The following INPP4A variants were observed in gnomAD, a reference collection of about 807,000 sequenced individuals.
The protein encoded by INPP4A is inositol polyphosphate-4-phosphatase type I A.
INPP4A carries 33 observed loss-of-function variants against 119.8 expected under a neutral mutation model. The observed-to-expected ratio is 0.28, with a 90% CI of 0.21 to 0.37. INPP4A has a LOEUF of 0.37. Among genes scored for constraint, INPP4A ranks in the 10% least tolerant of loss-of-function variants. INPP4A has a pLI of 1.00. For missense variants in INPP4A, 956 were observed against 1,289.9 expected (o/e 0.74, Z 3.97); for synonymous variants, 496 against 500.7 (o/e 0.99, Z 0.12).
chr2:98,471,664 T>A (rs1388259181), intron 1 of INPP4A, among the ~76,000 whole-genome samples: 1 of 152,178 alleles, frequency 6.6e-6, no homozygotes, highest in African/African-American at 2.4e-5. Flanking sequence ...TTAGACTGGC[T>A]GTCTGTAAGC....
intron 1 of INPP4A, among the ~76,000 whole-genome samples, chr2:98,479,746 GT>G (rs1678023294): frequency 6.6e-6 from 1 of 152,196 alleles, no homozygotes; most frequent in African/African-American, 2.4e-5. Context: ...ATTTCTTCCT[GT>G]CCTTGAAGAA....
chr2:98,493,553 G>A (rs1293941108), intron 1 of INPP4A, among the ~76,000 whole-genome samples: 1 of 150,446 alleles, frequency 6.6e-6, no homozygotes, highest in Admixed American at 6.7e-5. Flanking sequence ...GCACCTCCAC[G>A]CCTGGCTAAT....
intron 1 of INPP4A, among the ~76,000 whole-genome samples, chr2:98,480,994 C>T (rs1356606707): frequency 6.6e-6 from 1 of 152,178 alleles, no homozygotes; most frequent in African/African-American, 2.4e-5. Context: ...TGTGCATTAC[C>T]AGTGTGCAGT....
At position 98,572,137 on chromosome 2, in the gene INPP4A, C is replaced by T. The variant is rs191448486; in HGVS notation, c.2519-678C>T. 7 of 152,448 alleles carry T rather than the reference C, an allele frequency of 4.6e-5. No homozygotes were observed. In the East Asian group the frequency reaches 1.3e-3, roughly 29 times the overall value. 9.4% of individuals were successfully genotyped at this position (152,448 alleles called of 1,614,324 possible). A position where few individuals can be genotyped will look rare whatever the true frequency, so the allele number is the denominator to read the frequency against. On this transcript the variant is annotated intron_variant, in intron 22 of 24. Transcript: ENST00000409851. ...GACCTTGAGGCTCTTCTCTTTGTCTCTGATAATCCCAGTGTTTGAAAATCC... is the reference window on the plus strand; with the variant it reads ...GACCTTGAGGCTCTTCTCTTTGTCTTTGATAATCCCAGTGTTTGAAAATCC...
chr2:98,484,284 A>T (rs1257254848), intron 1 of INPP4A, among the ~76,000 whole-genome samples: 1 of 151,962 alleles, frequency 6.6e-6, no homozygotes, highest in Non-Finnish European at 1.5e-5. Flanking sequence ...CACTCCCCCT[A>T]GTTGCCCACA....
At chr2:98,446,236 A>T (rs1352518487) in intron 1 of INPP4A, among the ~76,000 whole-genome samples, 2 of 152,240 alleles carry the variant, frequency 1.3e-5, no homozygotes, top group South Asian at 4.1e-4. Flanking sequence ...TGCTTGCTAT[A>T]GGTTGTCCTA....
rs1327152298 is a variant in INPP4A, at chr2:98,511,064, AT to A, written c.-165-7887del. ...TACTTCTCTTCCTGTGCTTGATTCAATTTTTTTTTTTTTGAGATGGAGTCTC... is the reference window on the plus strand; with the variant it reads ...TACTTCTCTTCCTGTGCTTGATTCAATTTTTTTTTTTTGAGATGGAGTCTC... On this transcript the variant is annotated intron_variant, in intron 1 of 24. Coordinates refer to ENST00000409851, the MANE Select transcript of INPP4A (RefSeq NM_001134225.2). Among the ~76,000 whole-genome samples, 433 of 146,574 alleles carry A rather than the reference AT, an allele frequency of 3.0e-3. 2 individuals carry two copies. The highest frequency in any genetic ancestry group is 9.2e-3 in the African/African-American group (368 of 40,112).
chr2:98,459,906 A>G (rs899085371), intron 1 of INPP4A, among the ~76,000 whole-genome samples: 1 of 152,246 alleles, frequency 6.6e-6, no homozygotes, highest in Non-Finnish European at 1.5e-5. Context: ...ACCAGAATCC[A>G]CTGCACAGCT....
chr2:98,550,364 TC>T (rs1399588863), intron 13 of INPP4A, among the ~76,000 whole-genome samples: 1 of 152,070 alleles, frequency 6.6e-6, no homozygotes, highest in African/African-American at 2.4e-5. Context: ...AGAACCCAGC[TC>T]CATGGGGGCT....
chr2:98,470,901 G>C (rs1675879250), intron 1 of INPP4A, among the ~76,000 whole-genome samples: 1 of 152,020 alleles, frequency 6.6e-6, no homozygotes, highest in South Asian at 2.1e-4. Context: ...CTCCTGACCT[G>C]GTGATCCACC....
chr2:98,491,477 G>T (rs193117418), intron 1 of INPP4A, among the ~76,000 whole-genome samples: 164 of 152,332 alleles, frequency 1.1e-3, no homozygotes, highest in African/African-American at 3.6e-3. Flanking sequence ...GGAAGAAGCC[G>T]CACGTTTCCC....
intron 1 of INPP4A, among the ~76,000 whole-genome samples, chr2:98,487,116 C>G (rs1302926974): frequency 6.6e-6 from 1 of 152,174 alleles, no homozygotes; most frequent in African/African-American, 2.4e-5. Context: ...CATATGATAC[C>G]TCCTGCCAGG....
intron 1 of INPP4A, among the ~76,000 whole-genome samples, chr2:98,509,268 C>A (rs1024940623): frequency 7.2e-5 from 11 of 152,174 alleles, no homozygotes; most frequent in African/African-American, 2.4e-4. Flanking sequence ...AGGAACTGGG[C>A]TGCACAGCAG....
rs567307344 is a variant in INPP4A at position 98,590,885 on chromosome 2, C to T, written c.*3277C>T. On this transcript the variant is annotated 3_prime_UTR_variant, in exon 25 of 25. Coordinates refer to ENST00000409851, the MANE Select transcript of INPP4A (RefSeq NM_001134225.2). ...TTTATTCTCATTGATGGTAGCAGTG[C>T]ACCTCGTTTCAGTGTCCTGATTCCT... 4.3e-5 allele frequency: 10 copies of T among 231,296 alleles called. No individual in the cohort carries two copies. The highest frequency in any genetic ancestry group is 1.8e-4 in the African/African-American group (8 of 45,358). The allele number at this position is 231,296 out of a possible 1,614,324, so 14.3% of individuals were successfully genotyped here. A position where few individuals can be genotyped will look rare whatever the true frequency, so the allele number is the denominator to read the frequency against.
At chr2:98,490,771 G>T (rs1356356843) in intron 1 of INPP4A, among the ~76,000 whole-genome samples, 1 of 152,180 alleles carries the variant, frequency 6.6e-6, no homozygotes, top group Non-Finnish European at 1.5e-5. Flanking sequence ...ACCTGCAGCT[G>T]GTGGGGATGG....
At chr2:98,502,172 T>C (rs1198026585) in intron 1 of INPP4A, among the ~76,000 whole-genome samples, 1 of 152,194 alleles carries the variant, frequency 6.6e-6, no homozygotes, top group Admixed American at 6.5e-5. Context: ...TGTGTTCTCC[T>C]GGGCTGGCTG....
intron 1 of INPP4A, among the ~76,000 whole-genome samples, chr2:98,496,981 G>A (rs797003170): frequency 2.6e-5 from 4 of 152,346 alleles, no homozygotes; most frequent in African/African-American, 9.6e-5. Context: ...GGAAGTGCTT[G>A]ATGGAAGCTC....
At chr2:98,559,023 T>C (rs1179054135) in intron 16 of INPP4A, among the ~76,000 whole-genome samples, 1 of 152,240 alleles carries the variant, frequency 6.6e-6, no homozygotes, top group Non-Finnish European at 1.5e-5. Flanking sequence ...ATCAGAGCAG[T>C]GGGACTGACC....
intron 4 of INPP4A, chr2:98,521,796 T>C (rs902305183): frequency 6.6e-6 from 1 of 150,910 alleles, no homozygotes; most frequent in Non-Finnish European, 1.5e-5. Flanking sequence ...CTTACCTGGC[T>C]GTAGTGGCAC....
Sources: gnomAD v4.1 joint callset for allele counts (sites outside exome capture counted in the v4.1 genomes callset) on GRCh38, gnomAD v4.1.1 for gene constraint, MANE v1.5 for transcripts, NCBI Gene and HGNC (gene_info 2026-07-23, HGNC 2026-07-21) for gene names.